CCDC38: variants seen among roughly 807,000 people sequenced by gnomAD.
CCDC38 encodes the protein coiled-coil domain-containing protein 38.
Under a neutral mutation model 72.8 loss-of-function variants are expected in CCDC38, and 69 were observed. That is an observed-to-expected ratio of 0.95 (90% CI 0.78 to 1.16). The LOEUF is 1.16. Among genes scored for constraint, CCDC38 ranks in the 50% most tolerant of loss-of-function variants. The pLI is 0.00. For missense variants in CCDC38, 626 were observed against 638.9 expected, an observed-to-expected ratio of 0.98 and a Z score of 0.22; for synonymous variants, 201 against 213.2, an observed-to-expected ratio of 0.94 and a Z score of 0.50.
At chr12:95,891,277 T>C (rs2079823863) in intron 8 of CCDC38, among the ~76,000 whole-genome samples, 1 of 152,234 alleles carries the variant, frequency 6.6e-6, no homozygotes, top group East Asian at 1.9e-4. Context: ...TTCAAGCCTC[T>C]GGACTGACAG....
chr12:95,917,863 T>G (rs1374287342), intron 3 of CCDC38, among the ~76,000 whole-genome samples: 4 of 117,972 alleles, frequency 3.4e-5, no homozygotes, highest in Non-Finnish European at 6.8e-5. Context: ...AGAGCAAGAC[T>G]GTCAAAAAAA....
At chr12:95,890,057 G>A (rs1037177230) in intron 9 of CCDC38, among the ~76,000 whole-genome samples, 7 of 152,150 alleles carry the variant, frequency 4.6e-5, no homozygotes, top group South Asian at 2.1e-4. Context: ...GACTATAGGC[G>A]TATACCACCA....
intron 4 of CCDC38, among the ~76,000 whole-genome samples, chr12:95,908,644 GA>G (rs2080053726): frequency 6.7e-5 from 1 of 14,840 alleles, no homozygotes; most frequent in Non-Finnish European, 1.0e-4. Context: ...GGAGGAGAGG[GA>G]GAGGGAGAGG....
intron 2 of CCDC38, among the ~76,000 whole-genome samples, chr12:95,927,858 A>G (rs1287554024): frequency 2.0e-5 from 3 of 148,952 alleles, no homozygotes; most frequent in Non-Finnish European, 4.5e-5. Flanking sequence ...AGAATGTTGA[A>G]TATTGGCCCC....
At chr12:95,923,749 G>A (rs2080235643) in intron 2 of CCDC38, among the ~76,000 whole-genome samples, 1 of 151,296 alleles carries the variant, frequency 6.6e-6, no homozygotes, top group African/African-American at 2.4e-5. Context: ...GTGTCCATGT[G>A]TTCTCATTGT....
intron 14 of CCDC38, among the ~76,000 whole-genome samples, chr12:95,871,310 A>G (rs1340968346): frequency 6.6e-6 from 1 of 152,132 alleles, no homozygotes; most frequent in African/African-American, 2.4e-5. Flanking sequence ...CAGTATGACA[A>G]CTCTAGCATT....
At chr12:95,891,035 A>C in intron 8 of CCDC38, 105 bp from the exon 9 acceptor site, 1 of 622,228 alleles carries the variant, frequency 1.6e-6, no homozygotes, top group Admixed American at 2.7e-5. Flanking sequence ...GTTATTGTCA[A>C]AACTTCCAGG....
chr12:95,869,141 CTT>C (rs1298318823), intron 15 of CCDC38, among the ~76,000 whole-genome samples: 3 of 152,164 alleles, frequency 2.0e-5, no homozygotes, highest in Non-Finnish European at 4.4e-5. Context: ...GGAAGACTGA[CTT>C]TATACTGAAT....
At chr12:95,869,985 G>T (rs11108312) in intron 14 of CCDC38, among the ~76,000 whole-genome samples, 2 of 151,736 alleles carry the variant, frequency 1.3e-5, no homozygotes, top group African/African-American at 4.8e-5. Flanking sequence ...CACCACACCC[G>T]GCTAATTTTT....
intron 4 of CCDC38, among the ~76,000 whole-genome samples, chr12:95,913,441 C>T (rs1445035588): frequency 1.3e-5 from 2 of 152,190 alleles, no homozygotes; most frequent in African/African-American, 4.8e-5. Context: ...TCGAGAACCA[C>T]TACCTGTTTC....
At chr12:95,885,260 C>G (rs140275944) in intron 10 of CCDC38, 1 of 153,246 alleles carries the variant, frequency 6.5e-6, no homozygotes, top group Non-Finnish European at 1.5e-5. Flanking sequence ...AGACACAGAT[C>G]TTCAGTGGAT....
intron 2 of CCDC38, chr12:95,935,524 T>A: frequency 3.1e-6 from 1 of 327,532 alleles, no homozygotes; most frequent in Non-Finnish European, 6.3e-6. Context: ...TATCCAGACT[T>A]AACCTGAGAG....
At chr12:95,875,073 A>G (rs771921252) in intron 13 of CCDC38, among the ~76,000 whole-genome samples, 11 of 152,340 alleles carry the variant, frequency 7.2e-5, no homozygotes, top group Middle Eastern at 3.4e-3. Context: ...TGCTACACTA[A>G]ACAACATGGA....
intron 8 of CCDC38, among the ~76,000 whole-genome samples, chr12:95,891,872 T>C (rs888612552): frequency 7.2e-5 from 11 of 152,118 alleles, no homozygotes. Context: ...AACAACCAAC[T>C]CTCTAGAAAG....
intron 2 of CCDC38, among the ~76,000 whole-genome samples, chr12:95,921,792 C>A (rs1252398514): frequency 6.6e-6 from 1 of 152,078 alleles, no homozygotes; most frequent in African/African-American, 2.4e-5. Context: ...CATTCCCCAA[C>A]TCTTACCCCA....
In CCDC38 at chr12:95,879,654, G is replaced by A. The variant is rs903143089; in HGVS notation, c.1132C>T (p.Gln378Ter). 8 of 1,587,860 alleles carry A rather than the reference G, an allele frequency of 5.0e-6. No homozygotes were observed. The highest frequency in any genetic ancestry group is 1.7e-5 in the Admixed American group (1 of 58,662). ...EEVNKREKVI[Q>*]DKTNSNIEFL... ...TTTATAATGACTTACGTTTTATCCT[G>A]TATAACTTTTTCTCTTTTGTTTACC... The change falls in exon 12 of 16, where the codon CAG (glutamine) becomes TAG (stop). Residue 378 changes from glutamine (Q) to a stop codon, truncating the protein, a stop_gained. Transcript: ENST00000344280. LOFTEE classifies it high-confidence loss of function. This position sits in a 1 kb window ranked among gnomAD's most constrained non-coding sequence, Gnocchi z 5.5.
chr12:95,872,593 GA>G, intron 13 of CCDC38, 133 bp from the exon 14 acceptor site: 1 of 658,998 alleles, frequency 1.5e-6, no homozygotes, highest in Non-Finnish European at 2.5e-6. Flanking sequence ...TATTTTTTTT[GA>G]GACGGAGTCT....
intron 1 of CCDC38, among the ~76,000 whole-genome samples, chr12:95,939,779 ATTG>A (rs1480684019): frequency 6.6e-6 from 1 of 152,124 alleles, no homozygotes; most frequent in Non-Finnish European, 1.5e-5. Context: ...GATTTAATTA[ATTG>A]TTGTGTTCCT....
At chr12:95,934,699 C>A (rs1297324132) in intron 2 of CCDC38, 5 of 142,640 alleles carry the variant, frequency 3.5e-5, no homozygotes, top group Admixed American at 6.9e-5. Flanking sequence ...TTCACGACAT[C>A]AAAAAAAAAA....
Sources: gnomAD v4.1 joint callset for allele counts (sites outside exome capture counted in the v4.1 genomes callset) on GRCh38, gnomAD v4.1.1 for gene constraint, Gnocchi (gnomAD v3.1) non-coding constraint, MANE v1.5 for transcripts, NCBI Gene and HGNC (gene_info 2026-07-23, HGNC 2026-07-21) for gene names.